The following SOS1 variants were observed in gnomAD, a reference collection of about 807,000 sequenced individuals.
The protein encoded by SOS1 is son of sevenless homolog 1.
In SOS1, 25 loss-of-function variants were observed where a neutral mutation model predicts 157.6. That is an observed-to-expected ratio of 0.16 (90% CI 0.12 to 0.22). The LOEUF is 0.22. SOS1 is among the 10% of genes least tolerant of loss of function. SOS1 has a pLI of 1.00. For synonymous variants in SOS1, 528 were observed against 534.0 expected (o/e 0.99, Z 0.16); for missense variants, 1,237 against 1,599.1 (o/e 0.77, Z 3.86).
At chr2:39,028,567 C>CAGGCAGGT (rs1315245698) in intron 8 of SOS1, among the ~76,000 whole-genome samples, 5 of 152,176 alleles carry the variant, frequency 3.3e-5, no homozygotes, top group Non-Finnish European at 1.5e-5. Flanking sequence ...AAGGCACTAA[C>CAGGCAGGT]AGGCAGGTAC....
intron 1 of SOS1, among the ~76,000 whole-genome samples, chr2:39,114,460 C>G (rs895748959): frequency 6.6e-6 from 1 of 152,006 alleles, no homozygotes; most frequent in African/African-American, 2.4e-5. Flanking sequence ...TGCGCCACCA[C>G]GCCCAGCTAA....
chr2:39,097,994 C>G (rs981288507), intron 1 of SOS1, among the ~76,000 whole-genome samples: 1 of 152,094 alleles, frequency 6.6e-6, no homozygotes, highest in East Asian at 1.9e-4. Flanking sequence ...TATATCAATA[C>G]AGCAAAACTA....
At chr2:39,078,141 A>G (rs13424493) in intron 1 of SOS1, among the ~76,000 whole-genome samples, 7,161 of 152,256 alleles carry the variant, frequency 0.047, 621 homozygotes, top group African/African-American at 0.16. Flanking sequence ...GGGGAAACAC[A>G]ACTGCCCCAT....
At chr2:38,999,966 G>A (rs1460002135) in intron 17 of SOS1, among the ~76,000 whole-genome samples, 1 of 152,202 alleles carries the variant, frequency 6.6e-6, no homozygotes. Flanking sequence ...GTAACATGAA[G>A]AGCAGTTAGT....
chr2:39,020,458 G>A (rs1375368162), intron 10 of SOS1, among the ~76,000 whole-genome samples: 1 of 151,680 alleles, frequency 6.6e-6, no homozygotes, highest in Non-Finnish European at 1.5e-5. Flanking sequence ...AAATAAAAAT[G>A]TGTAAGTTAA....
upstream of SOS1, among the ~76,000 whole-genome samples, chr2:39,121,611 C>T (rs1410727082): frequency 2.6e-5 from 4 of 152,240 alleles, no homozygotes; most frequent in Admixed American, 6.5e-5. Flanking sequence ...CCAGTAAGCA[C>T]TTTCCTCCAG....
At chr2:39,098,568 A>T (rs1362020537) in intron 1 of SOS1, 1 of 152,564 alleles carries the variant, frequency 6.6e-6, no homozygotes, top group Non-Finnish European at 1.5e-5. Context: ...CGATTCATAT[A>T]TTTGATAAGG....
chr2:39,005,087 A>C (rs1283628008), intron 17 of SOS1, among the ~76,000 whole-genome samples: 1 of 152,218 alleles, frequency 6.6e-6, no homozygotes, highest in Non-Finnish European at 1.5e-5. Flanking sequence ...ACCTGAAACT[A>C]TAGGTAGTAC....
chr2:39,107,893 G>T (rs1673261389), intron 1 of SOS1, among the ~76,000 whole-genome samples: 1 of 152,248 alleles, frequency 6.6e-6, no homozygotes, highest in East Asian at 1.9e-4. Context: ...AAAGCCTTGA[G>T]GCTATACCTG....
intron 1 of SOS1, among the ~76,000 whole-genome samples, chr2:39,073,795 C>A (rs1009622693): frequency 1.3e-5 from 2 of 152,228 alleles, no homozygotes; most frequent in East Asian, 3.8e-4. Context: ...TCTGATGAAT[C>A]TTTCATATCC....
At chr2:39,102,195 A>C (rs1352112240) in intron 1 of SOS1, among the ~76,000 whole-genome samples, 2 of 75,616 alleles carry the variant, frequency 2.6e-5, no homozygotes, top group African/African-American at 5.2e-5. Context: ...ACAGTGCGAG[A>C]CTCTGTCTCA....
Position 38,987,486 on chromosome 2 carries a change from G to A in SOS1, c.3497C>T (p.Ser1166Phe). ...RRRPESAPAE[S>F]SPSKIMSKHL... is the part of the protein sequence containing the mutation. The stretch of plus-strand genomic sequence containing the variant: ...TTCTTACTTTACCTTAGATGGTGAA[G>A]ATTCTGCTGGGGCAGATTCTGGTCG... Residue 1166 changes from serine to phenylalanine, a missense_variant, in exon 22 of 23, where the codon TCT (serine) becomes TTT (phenylalanine). Coordinates refer to ENST00000402219, the MANE Select transcript of SOS1 (RefSeq NM_005633.4). 1 of 1,564,576 alleles carries A rather than the reference G, an allele frequency of 6.4e-7. No homozygotes were observed. The highest frequency in any genetic ancestry group is 8.8e-7 in the Non-Finnish European group (1 of 1,137,770).
intron 1 of SOS1, among the ~76,000 whole-genome samples, chr2:39,075,268 G>A (rs1671930427): frequency 1.3e-5 from 2 of 152,056 alleles, no homozygotes; most frequent in Non-Finnish European, 2.9e-5. Context: ...CTATTTTTTT[G>A]GGTGGTGGGG....
At chr2:39,014,689 T>C (rs1403106260) in intron 11 of SOS1, 76 bp downstream of exon 11, 7 of 776,000 alleles carry the variant, frequency 9.0e-6, no homozygotes, top group Admixed American at 2.2e-5. Context: ...TCATCTAACA[T>C]TTCTGAAAAG....
rs774944155 is a variant in SOS1 at position 39,022,740 on chromosome 2, T to C, written c.1688A>G (p.Lys563Arg). Reference protein sequence around the residue: ...MLDVTMLQEEKEEQMRLPSAD... With the variant: ...MLDVTMLQEEREEQMRLPSAD... ...ACTAGGCAGCCTCATCTGCTCCTCTTTCTCTTCCTGTAGCATTGTTACATC... is the reference window on the plus strand; with the variant it reads ...ACTAGGCAGCCTCATCTGCTCCTCTCTCTCTTCCTGTAGCATTGTTACATC... Residue 563 changes from lysine (K) to arginine (R), a missense_variant, in exon 10 of 23, where the codon AAA (lysine) becomes AGA (arginine). Around this residue, in one of 15 missense-constraint regions of SOS1, gnomAD observed 210 missense variants for 220.2 expected, o/e 0.95. Coordinates refer to ENST00000402219, the MANE Select transcript of SOS1 (RefSeq NM_005633.4). The C allele has an allele frequency of 6.2e-7, 1 of 1,613,804 alleles. No individual in the cohort carries two copies. The highest frequency in any genetic ancestry group is 8.5e-7 in the Non-Finnish European group (1 of 1,179,734).
chr2:39,120,458 C>G lies in SOS1; in HGVS notation c.-36G>C. ...GGGCGCCTCTGGGCGGGGAGAGGGG[C>G]GGCGGCGGCCGGGCCAGGGAGCCGC... is the stretch of plus-strand genomic sequence containing the variant. On this transcript the variant is annotated 5_prime_UTR_variant, in exon 1 of 23. Transcript: ENST00000402219. 3.3e-6 allele frequency: 5 copies of G among 1,528,982 alleles called. No homozygotes were observed. The highest frequency in any genetic ancestry group is 4.4e-6 in the Non-Finnish European group (5 of 1,139,012). The allele number at this position is 1,528,982 out of a possible 1,614,324, so 94.7% of individuals were successfully genotyped here.
At chr2:39,085,198 A>C (rs1348666720) in intron 1 of SOS1, among the ~76,000 whole-genome samples, 1 of 151,918 alleles carries the variant, frequency 6.6e-6, no homozygotes, top group South Asian at 2.1e-4. Flanking sequence ...GGCATACACC[A>C]CCATGCTCAG....
At chr2:39,075,607 C>CGAGACA in intron 1 of SOS1, among the ~76,000 whole-genome samples, 1 of 23,520 alleles carries the variant, frequency 4.3e-5, no homozygotes, top group Admixed American at 6.7e-4. Context: ...AGTCCGAGAC[C>CGAGACA]AGCCTGGAGA....
intron 1 of SOS1, among the ~76,000 whole-genome samples, chr2:39,119,982 G>A (rs970248262): frequency 1.3e-5 from 2 of 152,204 alleles, no homozygotes; most frequent in Non-Finnish European, 2.9e-5. Flanking sequence ...GCTGACAGCA[G>A]CTCCGGGCTA....
Sources: gnomAD v4.1 joint callset for allele counts (sites outside exome capture counted in the v4.1 genomes callset) on GRCh38, gnomAD v4.1.1 for gene constraint, gnomAD v4.1.1 regional missense constraint, MANE v1.5 for transcripts, NCBI Gene and HGNC (gene_info 2026-07-23, HGNC 2026-07-21) for gene names.